Variants in IGF2R observed in about 807,000 individuals in gnomAD.
IGF2R encodes the protein cation-independent mannose-6-phosphate receptor.
In IGF2R, 91 loss-of-function variants were observed where a neutral mutation model predicts 270.6. The ratio of observed to expected loss-of-function variants is 0.34; its 90% CI spans 0.28 to 0.40. The LOEUF (loss-of-function observed/expected upper bound fraction) is 0.40. Ranked by LOEUF, IGF2R falls within the 10% of genes least tolerant of loss-of-function variation. The pLI, the probability that IGF2R is intolerant of heterozygous loss-of-function variation, is 1.00. For synonymous variants in IGF2R, 1,316 were observed against 1,258.9 expected (o/e 1.05, Z -0.96); for missense variants, 2,805 against 3,188.3 (o/e 0.88, Z 2.90).
rs78695792 is a variant in IGF2R, at chr6:159,984,774, C to T, written c.150-6410C>T. Among the ~76,000 whole-genome samples, 166 of 152,302 alleles carry T rather than the reference C, an allele frequency of 1.1e-3. 2 individuals carry two copies. The highest frequency in any genetic ancestry group is 3.8e-3 in the African/African-American group (159 of 41,548). ...AAGTGAGTGACTATAAACCAGTCCC[C>T]CCATCAGCAGTTACACTTCCTGAGG... On this transcript the variant is annotated intron_variant, in intron 1 of 47. Transcript: ENST00000356956.
intron 22 of IGF2R, among the ~76,000 whole-genome samples, chr6:160,059,403 T>C (rs185548512): frequency 6.6e-6 from 1 of 152,392 alleles, no homozygotes; most frequent in Admixed American, 6.5e-5. Context: ...ACAGTTGTTC[T>C]GTTTTATTGT....
chr6:160,059,794 C>T (rs758755511), intron 22 of IGF2R, among the ~76,000 whole-genome samples: 4 of 152,246 alleles, frequency 2.6e-5, no homozygotes, highest in Admixed American at 6.5e-5. Flanking sequence ...CTGTCTCCCA[C>T]CCTCCCCTCT....
At chr6:160,086,854 C>T (rs999284106) in intron 41 of IGF2R, among the ~76,000 whole-genome samples, 2 of 152,318 alleles carry the variant, frequency 1.3e-5, no homozygotes, top group Middle Eastern at 6.8e-3. Flanking sequence ...GCCTCCACCG[C>T]ATGCCCCTGC....
intron 1 of IGF2R, among the ~76,000 whole-genome samples, chr6:159,973,940 T>C (rs1474499356): frequency 6.6e-6 from 1 of 152,222 alleles, no homozygotes; most frequent in African/African-American, 2.4e-5. Flanking sequence ...TTGCAGGTGC[T>C]GTTCTTTTTC....
intron 36 of IGF2R, among the ~76,000 whole-genome samples, chr6:160,077,432 G>A (rs1431056115): frequency 1.3e-5 from 2 of 152,188 alleles, no homozygotes; most frequent in African/African-American, 4.8e-5. Context: ...CAGCTAAAGA[G>A]TGTGGAACTA....
At chr6:160,094,009 A>G (rs1262549584) in intron 44 of IGF2R, 11 of 642,038 alleles carry the variant, frequency 1.7e-5, no homozygotes, top group Admixed American at 3.7e-5. Flanking sequence ...GACAGACAGC[A>G]AACTATTCCT....
In IGF2R at chr6:160,103,779, TAGG is replaced by T. The variant is rs1336739499; in HGVS notation, c.7032_7034del (p.Arg2345del). The T allele has an allele frequency of 2.5e-6, 4 of 1,612,188 alleles. No homozygotes were observed. Among genetic ancestry groups the T allele is most frequent in the African/African-American group, 2.7e-5 (2 of 74,846 alleles). On this transcript the variant is annotated inframe_deletion, in exon 47 of 48. Coordinates refer to ENST00000356956, the MANE Select transcript of IGF2R (RefSeq NM_000876.4). ...TGATAAGTAAGCTGACCACTTGCTG[TAGG>T]AGAAGTTCCAACGTGTCCTACAAAT...
At chr6:160,062,700 C>A in intron 26 of IGF2R, 81 bp downstream of exon 26, 3 of 945,482 alleles carry the variant, frequency 3.2e-6, no homozygotes, top group Non-Finnish European at 3.3e-6. Context: ...GATATGAGAC[C>A]GTGTGATAAC....
chr6:160,056,553 G>A, intron 20 of IGF2R, 28 bp downstream of exon 20: 1 of 1,446,286 alleles, frequency 6.9e-7, no homozygotes, highest in Non-Finnish European at 9.7e-7. Context: ...TGGCCCTCGT[G>A]CTGAGCTGCC....
intron 19 of IGF2R, among the ~76,000 whole-genome samples, chr6:160,054,533 A>G (rs749158372): frequency 8.5e-5 from 13 of 152,154 alleles, no homozygotes; most frequent in Admixed American, 2.6e-4. Flanking sequence ...CCAGCAGCAG[A>G]GTCTTTCAAA....
At chr6:160,083,544 T>C (rs1348995183) in intron 39 of IGF2R, among the ~76,000 whole-genome samples, 3 of 152,234 alleles carry the variant, frequency 2.0e-5, no homozygotes, top group Non-Finnish European at 2.9e-5. Flanking sequence ...CGAGGCCATA[T>C]TTCAGACTAT....
intron 45 of IGF2R, among the ~76,000 whole-genome samples, chr6:160,101,262 A>G (rs1779479318): frequency 6.6e-6 from 1 of 152,226 alleles, no homozygotes; most frequent in African/African-American, 2.4e-5. Flanking sequence ...ATACGCTTAG[A>G]ACTGAGTGAT....
At chr6:160,017,416 C>G (rs1334008300) in intron 4 of IGF2R, among the ~76,000 whole-genome samples, 1 of 152,152 alleles carries the variant, frequency 6.6e-6, no homozygotes, top group Admixed American at 6.5e-5. Flanking sequence ...GGGAGAAGAA[C>G]AAACAAAATC....
At chr6:160,044,082 A>C (rs1778010646) in intron 12 of IGF2R, among the ~76,000 whole-genome samples, 1 of 152,198 alleles carries the variant, frequency 6.6e-6, no homozygotes, top group African/African-American at 2.4e-5. Context: ...TCTGCTTTGG[A>C]TATGAGACAC....
At chr6:160,047,068 A>T in intron 15 of IGF2R, 91 bp from the exon 16 acceptor site, 1 of 1,213,928 alleles carries the variant, frequency 8.2e-7, no homozygotes, top group South Asian at 1.2e-5. Context: ...GTGACTCCTC[A>T]CGTCGCTCAC....
At chr6:159,993,985 A>ATTT (rs59369382) in intron 2 of IGF2R, among the ~76,000 whole-genome samples, 1,332 of 61,014 alleles carry the variant, frequency 0.022, 160 homozygotes, top group East Asian at 0.067. Flanking sequence ...CTCCAACTTG[A>ATTT]TTTTTTTTTT....
At chr6:160,089,485 T>C (rs1779171205) in intron 43 of IGF2R, among the ~76,000 whole-genome samples, 1 of 152,218 alleles carries the variant, frequency 6.6e-6, no homozygotes, top group South Asian at 2.1e-4. Flanking sequence ...CCCCCGTCCT[T>C]CTCCCTCTCT....
chr6:159,991,220 A>G lies in IGF2R; in HGVS notation c.186A>G (p.Val62=), dbSNP rs1447742035. 9 of 1,613,116 alleles carry G rather than the reference A, an allele frequency of 5.6e-6. No homozygotes were observed. The highest frequency in any genetic ancestry group is 7.6e-6 in the Non-Finnish European group (9 of 1,179,448). Residue 62 remains valine, a synonymous_variant, in exon 2 of 48, where the codon GTA becomes GTG. Transcript: ENST00000356956. Reference sequence around the variant, plus strand: ...AAGCTGTTGATACCAAAAATAATGTACTTTATAAAATCAACATCTGTGGAA... The same window carrying G: ...AAGCTGTTGATACCAAAAATAATGTGCTTTATAAAATCAACATCTGTGGAA... ...TWEAVDTKNN[V]LYKINICGSV...
Position 160,096,572 on chromosome 6 carries a change from T to G in IGF2R, c.6789T>G (p.Thr2263=). 1 of 1,614,178 alleles carries G rather than the reference T, an allele frequency of 6.2e-7. No individual in the cohort carries two copies. Among genetic ancestry groups the G allele is most frequent in the South Asian group, 1.1e-5 (1 of 91,076 alleles). ...GGATCCCCGAGTTCAGTCACGAGAC[T>G]GCCGACTGCCAGTACCTCTTCTCTT... is the stretch of plus-strand genomic sequence containing the variant. ...EDGIPEFSHE[T]ADCQYLFSWY... Residue 2263 remains threonine (T), a synonymous_variant, in exon 45 of 48, where the codon ACT becomes ACG. Transcript: ENST00000356956.
Sources: gnomAD v4.1 joint callset for allele counts (sites outside exome capture counted in the v4.1 genomes callset) on GRCh38, gnomAD v4.1.1 for gene constraint, MANE v1.5 for transcripts, NCBI Gene and HGNC (gene_info 2026-07-23, HGNC 2026-07-21) for gene names.